SYT1: variants seen among roughly 807,000 people sequenced by gnomAD.
The protein encoded by SYT1 is synaptotagmin 1, also known as synaptotagmin-1.
In SYT1, 8 loss-of-function variants were observed where a neutral mutation model predicts 44.8. The observed-to-expected ratio is 0.18, with a 90% CI of 0.10 to 0.32. The LOEUF (loss-of-function observed/expected upper bound fraction) is 0.32. Among genes scored for constraint, SYT1 ranks in the 10% least tolerant of loss-of-function variants. The probability of loss-of-function intolerance (pLI) is 1.00; values close to 1 mark genes in which losing one functional copy is unlikely to be tolerated. For missense variants in SYT1, 286 were observed against 509.3 expected, an observed-to-expected ratio of 0.56 and a Z score of 4.22; for synonymous variants, 154 against 188.8, an observed-to-expected ratio of 0.82 and a Z score of 1.51.
chr12:79,163,154 A>G (rs1003699759), intron 3 of SYT1, among the ~76,000 whole-genome samples: 1 of 152,116 alleles, frequency 6.6e-6, no homozygotes, highest in Non-Finnish European at 1.5e-5. Flanking sequence ...TGGGACACCT[A>G]CTGCACACAG....
chr12:79,026,667 TTATATATA>T lies in SYT1; in HGVS notation c.-83-20602_-83-20595del, dbSNP rs3064320. Among the ~76,000 whole-genome samples the T allele has an allele frequency of 4.4e-3, 452 of 102,256 alleles. 6 individuals are homozygous for T. The highest frequency in any genetic ancestry group is 0.022 in the Admixed American group (198 of 9,194). 67.1% of individuals were successfully genotyped at this position (102,256 alleles called of 152,430 possible). On this transcript the variant is annotated intron_variant, in intron 2 of 10. Transcript: ENST00000261205. ...TTGTGTGTGTATATACATATATATTTTATATATATATATATATATATATATATATATAT... is the reference window on the plus strand; with the variant it reads ...TTGTGTGTGTATATACATATATATTTTATATATATATATATATATATATAT...
chr12:79,089,421 C>T (rs1009177958), intron 3 of SYT1, among the ~76,000 whole-genome samples: 1 of 150,086 alleles, frequency 6.7e-6, no homozygotes, highest in Non-Finnish European at 1.5e-5. Flanking sequence ...GTGTTTTATT[C>T]ATCATTTTAC....
At chr12:79,435,508 A>C (rs1870036517) in intron 9 of SYT1, among the ~76,000 whole-genome samples, 1 of 151,978 alleles carries the variant, frequency 6.6e-6, no homozygotes, top group Admixed American at 6.6e-5. Context: ...TATCTACCTC[A>C]TAACTATATG....
rs924922469 is a variant in SYT1, at chr12:79,315,516, A to T, written c.810+15965A>T. On this transcript the variant is annotated intron_variant, in intron 8 of 10. Transcript: ENST00000261205. ...CACAGCCAGTCCTAAATCTGTTTTT[A>T]AAAAAAAGTTTCAGGGACAGAGATC... 1.5e-4 allele frequency among the ~76,000 whole-genome samples: 23 copies of T among 152,116 alleles called. No homozygotes were observed. In the South Asian group the frequency reaches 2.3e-3, roughly 15 times the overall value.
chr12:79,191,947 G>A (rs569633620), intron 3 of SYT1, among the ~76,000 whole-genome samples: 1 of 152,034 alleles, frequency 6.6e-6, no homozygotes, highest in Non-Finnish European at 1.5e-5. Flanking sequence ...AATAAAAAAG[G>A]TTCCTTTAAG....
At chr12:79,072,429 T>C (rs1313387320) in intron 3 of SYT1, among the ~76,000 whole-genome samples, 3 of 152,098 alleles carry the variant, frequency 2.0e-5, no homozygotes, top group Admixed American at 2.0e-4. Flanking sequence ...TTTTTGAAAA[T>C]ATGACACATA....
At chr12:78,888,496 T>G (rs895449746) in intron 1 of SYT1, among the ~76,000 whole-genome samples, 5 of 151,974 alleles carry the variant, frequency 3.3e-5, no homozygotes, top group Non-Finnish European at 7.4e-5. Flanking sequence ...TGTTCCTTAT[T>G]ATAGTCAAAT....
intron 3 of SYT1, among the ~76,000 whole-genome samples, chr12:79,156,899 T>C (rs1367797921): frequency 6.6e-6 from 1 of 152,150 alleles, no homozygotes; most frequent in African/African-American, 2.4e-5. Flanking sequence ...GACTGTCACT[T>C]GTCACAAGCA....
Position 79,302,419 on chromosome 12 carries a change from A to G in SYT1, c.810+2868A>G, listed in dbSNP as rs184948038. On this transcript the variant is annotated intron_variant, in intron 8 of 10. Transcript: ENST00000261205. ...TTTTATTGCCAGAAAGTTGACAACT[A>G]TAAGTCATAAGATGATGAAGTAATT... Among the ~76,000 whole-genome samples the G allele has an allele frequency of 9.7e-4, 147 of 152,330 alleles. 1 individual carries two copies. Among genetic ancestry groups the G allele is most frequent in the African/African-American group, 3.3e-3 (138 of 41,576 alleles).
At chr12:78,964,720 G>C (rs1440679934) in intron 1 of SYT1, among the ~76,000 whole-genome samples, 2 of 152,146 alleles carry the variant, frequency 1.3e-5, no homozygotes, top group African/African-American at 2.4e-5. Context: ...CCCTGCAACT[G>C]TCTCAGTCTC....
chr12:78,895,985 C>G (rs953731829), intron 1 of SYT1, among the ~76,000 whole-genome samples: 4 of 151,680 alleles, frequency 2.6e-5, no homozygotes, highest in African/African-American at 7.3e-5. Context: ...AGCTTTTTCT[C>G]AAATGTAAAC....
chr12:79,179,672 C>T (rs545054091), intron 3 of SYT1, among the ~76,000 whole-genome samples: 20 of 151,570 alleles, frequency 1.3e-4, no homozygotes, highest in Admixed American at 1.1e-3. Flanking sequence ...AGCCCACTTC[C>T]GCCTCCCAAA....
chr12:79,415,294 A>C (rs1868663040), intron 9 of SYT1, among the ~76,000 whole-genome samples: 1 of 152,176 alleles, frequency 6.6e-6, no homozygotes, highest in Non-Finnish European at 1.5e-5. Flanking sequence ...GATTTATGTT[A>C]TATATAAATA....
At chr12:79,053,532 T>C (rs927983278) in intron 3 of SYT1, among the ~76,000 whole-genome samples, 4 of 149,566 alleles carry the variant, frequency 2.7e-5, no homozygotes, top group Non-Finnish European at 5.9e-5. Flanking sequence ...AAAAAATTCT[T>C]ATATATATTA....
intron 1 of SYT1, among the ~76,000 whole-genome samples, chr12:78,869,130 A>G (rs1247324649): frequency 6.6e-6 from 1 of 151,760 alleles, no homozygotes. Flanking sequence ...AATGATCAAC[A>G]TTTTTTCAGT....
chr12:78,936,637 T>C (rs1169440636), intron 1 of SYT1, among the ~76,000 whole-genome samples: 3 of 152,168 alleles, frequency 2.0e-5, no homozygotes, highest in Non-Finnish European at 4.4e-5. Flanking sequence ...TCTTAGTATA[T>C]GTAGACTATA....
intron 3 of SYT1, among the ~76,000 whole-genome samples, chr12:79,203,426 G>A (rs1341327806): frequency 1.3e-5 from 2 of 152,206 alleles, no homozygotes; most frequent in African/African-American, 2.4e-5. Context: ...TCCTCTGTAC[G>A]TCTTTTTAAA....
At chr12:79,047,427 T>C (rs1430994794) in intron 3 of SYT1, 65 bp downstream of exon 3, 1 of 151,872 alleles carries the variant, frequency 6.6e-6, no homozygotes. Flanking sequence ...AAATGTCTTT[T>C]ATAGAAATAC....
intron 2 of SYT1, among the ~76,000 whole-genome samples, chr12:79,011,078 A>G (rs1397103608): frequency 6.6e-6 from 1 of 152,234 alleles, no homozygotes; most frequent in African/African-American, 2.4e-5. Context: ...CTTAAAAGAA[A>G]TAATGGCTAA....
Sources: gnomAD v4.1 joint callset for allele counts (sites outside exome capture counted in the v4.1 genomes callset) on GRCh38, gnomAD v4.1.1 for gene constraint, MANE v1.5 for transcripts, NCBI Gene and HGNC (gene_info 2026-07-23, HGNC 2026-07-21) for gene names.